Variants in ANKRD45 observed in about 807,000 individuals in gnomAD.
ANKRD45 encodes ankyrin repeat domain-containing protein 45.
A neutral mutation model predicts 28.1 loss-of-function variants in ANKRD45; 21 were observed. The observed-to-expected ratio is 0.75, with a 90% CI of 0.53 to 1.08. The LOEUF is 1.08. Ranked by LOEUF, ANKRD45 falls within the 50% of genes least tolerant of loss-of-function variation. The pLI is 0.00. For missense variants in ANKRD45, 261 were observed against 308.7 expected, an observed-to-expected ratio of 0.85 and a Z score of 1.16; for synonymous variants, 86 against 103.9, an observed-to-expected ratio of 0.83 and a Z score of 1.05.
the ANKRD45 span, among the ~76,000 whole-genome samples, chr1:173,697,166 T>C: frequency 2.6e-5 from 4 of 152,082 alleles, no homozygotes; most frequent in African/African-American, 9.7e-5. Flanking sequence ...TGGGACTATG[T>C]GAAAAGACCA....
chr1:173,622,184 C>T (rs1230200548), intron 5 of ANKRD45, among the ~76,000 whole-genome samples: 2 of 152,200 alleles, frequency 1.3e-5, no homozygotes, highest in Admixed American at 1.3e-4. Context: ...AAAAACATTC[C>T]ATGCTCATGG....
chr1:173,660,129 A>G (rs1190900333), intron 1 of ANKRD45, among the ~76,000 whole-genome samples: 1 of 152,192 alleles, frequency 6.6e-6, no homozygotes, highest in South Asian at 2.1e-4. Context: ...TGTTGTAACA[A>G]GGTTTGAAGG....
chr1:173,691,201 G>A, the ANKRD45 span, among the ~76,000 whole-genome samples: 1 of 152,146 alleles, frequency 6.6e-6, no homozygotes, highest in Non-Finnish European at 1.5e-5. Context: ...TGCAGTATGT[G>A]AGGATCCTTT....
chr1:173,651,094 T>G (rs984861767), intron 2 of ANKRD45, among the ~76,000 whole-genome samples: 1 of 152,228 alleles, frequency 6.6e-6, no homozygotes, highest in African/African-American at 2.4e-5. Context: ...CTCTTTAGTT[T>G]AATTAGATAC....
intron 5 of ANKRD45, among the ~76,000 whole-genome samples, chr1:173,613,027 G>A (rs1279890870): frequency 6.6e-6 from 1 of 152,122 alleles, no homozygotes; most frequent in Non-Finnish European, 1.5e-5. Flanking sequence ...TCTGGGAAGT[G>A]AGGAGCGTCT....
chr1:173,638,680 T>A (rs1668569166), intron 3 of ANKRD45, among the ~76,000 whole-genome samples: 1 of 152,188 alleles, frequency 6.6e-6, no homozygotes, highest in Non-Finnish European at 1.5e-5. Flanking sequence ...AGATTAACTG[T>A]AAGCACGCCC....
At chr1:173,684,301 C>G in the ANKRD45 span, among the ~76,000 whole-genome samples, 1 of 152,202 alleles carries the variant, frequency 6.6e-6, no homozygotes, top group Non-Finnish European at 1.5e-5. Context: ...TCATACCTAA[C>G]AACCCCTCCC....
rs923834947 is a variant in ANKRD45, at chr1:173,629,667, T to C, written c.497-2508A>G. On this transcript the variant is annotated intron_variant, in intron 3 of 5. Transcript: ENST00000333279. ...AAGCACTCCTATAAGATCTAGAAAATAGCCTCAAAAGGGCAAATCTAAAAG... is the reference window on the plus strand; with the variant it reads ...AAGCACTCCTATAAGATCTAGAAAACAGCCTCAAAAGGGCAAATCTAAAAG... Among the ~76,000 whole-genome samples, 6 of 151,678 alleles carry C rather than the reference T, an allele frequency of 4.0e-5. No homozygotes were observed. In the East Asian group the frequency reaches 7.8e-4, roughly 20 times the overall value.
chr1:173,649,940 A>C (rs1462386983), intron 2 of ANKRD45, among the ~76,000 whole-genome samples: 1 of 152,188 alleles, frequency 6.6e-6, no homozygotes. Flanking sequence ...GCTTTTAAAA[A>C]GATTCTTCTG....
At chr1:173,664,963 T>C (rs1669946400) in intron 1 of ANKRD45, among the ~76,000 whole-genome samples, 1 of 152,124 alleles carries the variant, frequency 6.6e-6, no homozygotes, top group Non-Finnish European at 1.5e-5. Context: ...ACATACTCTT[T>C]TGTAGGAATA....
intron 1 of ANKRD45, among the ~76,000 whole-genome samples, chr1:173,662,193 C>T (rs141290824): frequency 0.018 from 2,806 of 152,278 alleles, 39 homozygotes; most frequent in Middle Eastern, 0.071. Context: ...TGGTGGTCCA[C>T]AGGCCATAGT....
At chr1:173,613,586 G>C (rs1386449300) in intron 5 of ANKRD45, among the ~76,000 whole-genome samples, 3 of 123,344 alleles carry the variant, frequency 2.4e-5, no homozygotes, top group African/African-American at 1.2e-4. Flanking sequence ...CAGCCGCCCC[G>C]TCCGGGAGGG....
chr1:173,665,708 T>C (rs1240586438), intron 1 of ANKRD45, among the ~76,000 whole-genome samples: 1 of 152,106 alleles, frequency 6.6e-6, no homozygotes, highest in East Asian at 1.9e-4. Context: ...TTAATATTTA[T>C]ATTGGAAATT....
At chr1:173,651,022 T>C (rs9803675) in intron 2 of ANKRD45, among the ~76,000 whole-genome samples, 2 of 152,030 alleles carry the variant, frequency 1.3e-5, no homozygotes, top group African/African-American at 4.8e-5. Flanking sequence ...ATTGCAAAAA[T>C]TTTCTCCCAT....
intron 5 of ANKRD45, among the ~76,000 whole-genome samples, chr1:173,619,281 C>T (rs1480424432): frequency 6.6e-6 from 1 of 152,170 alleles, no homozygotes; most frequent in Non-Finnish European, 1.5e-5. Flanking sequence ...CAAATTCACA[C>T]ATAACAATAT....
At chr1:173,688,601 T>G in the ANKRD45 span, among the ~76,000 whole-genome samples, 3 of 148,142 alleles carry the variant, frequency 2.0e-5, no homozygotes, top group Non-Finnish European at 4.5e-5. Context: ...TCTCTCTGCC[T>G]CTTCCTCTCT....
At chr1:173,682,684 T>TACACACACACACACACACACACAC in the ANKRD45 span, among the ~76,000 whole-genome samples, 95 of 144,030 alleles carry the variant, frequency 6.6e-4, no homozygotes, top group African/African-American at 2.3e-3. Flanking sequence ...GCCTTTTAAA[T>TACACACACACACACACACACACAC]ACACACACAC....
chr1:173,688,583 C>CCT, the ANKRD45 span, among the ~76,000 whole-genome samples: 3 of 134,236 alleles, frequency 2.2e-5, no homozygotes, highest in Admixed American at 7.3e-5. Flanking sequence ...TCTGCCGCTT[C>CCT]CTCTCTCTCT....
In ANKRD45 at chr1:173,624,815, A is replaced by G. The variant is rs1375763729; in HGVS notation, c.702T>C (p.Thr234=). The G allele has an allele frequency of 5.0e-6, 8 of 1,613,652 alleles. No homozygotes were observed. The Admixed American group carries it at 1.0e-4, about 20-fold the overall frequency. ...EQRQQLEDIV[T]PIFTKMTTPC... The stretch of plus-strand genomic sequence containing the variant: ...GTGTAGTCATTTTTGTGAAGATAGG[A>G]GTCACAATATCTTCCAGTTGTTGTC... Residue 234 remains threonine, a synonymous_variant, in exon 5 of 6, where the codon ACT becomes ACC. Transcript: ENST00000333279.
Sources: gnomAD v4.1 joint callset for allele counts (sites outside exome capture counted in the v4.1 genomes callset) on GRCh38, gnomAD v4.1.1 for gene constraint, MANE v1.5 for transcripts, NCBI Gene and HGNC (gene_info 2026-07-23, HGNC 2026-07-21) for gene names.